Variants in KANK1 observed in about 807,000 individuals in gnomAD.
The protein encoded by KANK1 is KN motif and ankyrin repeat domain-containing protein 1.
A neutral mutation model predicts 106.2 loss-of-function variants in KANK1; 109 were observed. That is an observed-to-expected ratio of 1.03 (90% CI 0.88 to 1.20). KANK1 has a LOEUF of 1.20. Ranked by LOEUF, KANK1 falls within the 50% of genes most tolerant of loss-of-function variation. KANK1 has a pLI of 0.00. For synonymous variants in KANK1, 873 were observed against 652.2 expected (o/e 1.34, Z -5.16); for missense variants, 2,399 against 1,710.7 (o/e 1.40, Z -7.10).
At chr9:652,483 A>G (rs199852902) in intron 1 of KANK1, among the ~76,000 whole-genome samples, 6 of 152,194 alleles carry the variant, frequency 3.9e-5, no homozygotes, top group African/African-American at 1.4e-4. Context: ...AGATCGTGCC[A>G]TTGCACTCCA....
intron 3 of KANK1, among the ~76,000 whole-genome samples, chr9:479,934 T>C (rs1177436238): frequency 6.6e-6 from 1 of 152,242 alleles, no homozygotes; most frequent in African/African-American, 2.4e-5. Flanking sequence ...GTTCTCCAGA[T>C]GGCCTTTCAT....
chr9:713,118 A>C lies in KANK1; in HGVS notation c.2352A>C (p.Pro784=). 6.2e-7 allele frequency: 1 copy of C among 1,604,760 alleles called. No individual in the cohort carries two copies. The highest frequency in any genetic ancestry group is 8.5e-7 in the Non-Finnish European group (1 of 1,173,566). The change falls in exon 3 of 12, where the codon CCA becomes CCC. Residue 784 remains proline, a synonymous_variant. Transcript: ENST00000382297. The part of the protein sequence containing the change: ...LKMRTIACGP[P]QLTVGLTASR... Reference sequence around the variant, plus strand: ...TGAGGACTATAGCTTGTGGGCCACCACAGTTGACTGTGGGGCTGACAGCCA... The same window carrying C: ...TGAGGACTATAGCTTGTGGGCCACCCCAGTTGACTGTGGGGCTGACAGCCA...
At chr9:525,914 A>G (rs916856741) in intron 1 of KANK1, among the ~76,000 whole-genome samples, 44 of 151,798 alleles carry the variant, frequency 2.9e-4, no homozygotes, top group African/African-American at 1.0e-3. Context: ...CAGAGGATCA[A>G]TATTTTTCTA....
At chr9:740,509 G>A (rs889344357) in intron 8 of KANK1, among the ~76,000 whole-genome samples, 2 of 152,160 alleles carry the variant, frequency 1.3e-5, no homozygotes, top group Non-Finnish European at 2.9e-5. Context: ...CAACCACCCT[G>A]ACTTCCAAGC....
intron 1 of KANK1, among the ~76,000 whole-genome samples, chr9:671,911 G>A (rs1206211182): frequency 6.6e-6 from 1 of 152,022 alleles, no homozygotes; most frequent in Non-Finnish European, 1.5e-5. Context: ...TCGCGCCACT[G>A]CACTCCAGCC....
intron 1 of KANK1, among the ~76,000 whole-genome samples, chr9:537,533 A>C (rs940870940): frequency 6.6e-6 from 1 of 152,172 alleles, no homozygotes; most frequent in African/African-American, 2.4e-5. Context: ...TTCTCTTGAG[A>C]TTATAAATCT....
intron 10 of KANK1, among the ~76,000 whole-genome samples, chr9:743,275 G>C (rs185689006): frequency 6.6e-6 from 1 of 152,182 alleles, no homozygotes; most frequent in Non-Finnish European, 1.5e-5. Context: ...CAAGCCAGTA[G>C]GGAGAAAAAC....
chr9:723,435 A>G (rs544717096), intron 3 of KANK1, among the ~76,000 whole-genome samples: 9 of 152,104 alleles, frequency 5.9e-5, no homozygotes, highest in Non-Finnish European at 1.2e-4. Context: ...ACATCTACCA[A>G]ATTCCATCCG....
intron 1 of KANK1, among the ~76,000 whole-genome samples, chr9:674,601 C>A (rs969512190): frequency 2.6e-5 from 4 of 152,114 alleles, no homozygotes; most frequent in African/African-American, 9.7e-5. Flanking sequence ...CCCTTATAAT[C>A]TTCATGATTG....
chr9:483,252 C>A (rs1324425376), intron 3 of KANK1, among the ~76,000 whole-genome samples: 1 of 152,088 alleles, frequency 6.6e-6, no homozygotes, highest in Admixed American at 6.5e-5. Context: ...GGAACATACC[C>A]CCTGTGGATT....
chr9:726,460 G>A (rs1463343428), intron 3 of KANK1, among the ~76,000 whole-genome samples: 2 of 151,924 alleles, frequency 1.3e-5, no homozygotes, highest in Admixed American at 6.6e-5. Flanking sequence ...CCAACATGGT[G>A]AAACCGAGTC....
At position 711,396 on chromosome 9, in the gene KANK1, C is replaced by G. The variant is rs28374506; in HGVS notation, c.630C>G (p.His210Gln). The change falls in exon 3 of 12, where the codon CAC becomes CAG. Residue 210 changes from histidine to glutamine, a missense_variant. Physicochemically the swap from His to Gln is conservative, Grantham distance 24. Transcript: ENST00000382297. ...CTGGAAACCACAATCCTGCCAAGCA[C>G]CAGCTTCAGAATGGATACCAAGGTA... Reference protein sequence around the residue: ...VGSGNHNPAKHQLQNGYQGNG... With the variant: ...VGSGNHNPAKQQLQNGYQGNG... The G allele has an allele frequency of 0.025, 40,100 of 1,614,054 alleles. 4,199 individuals are homozygous for G. In the African/African-American group the frequency reaches 0.31, roughly 13 times the overall value.
rs1441886397 is a variant in KANK1, at chr9:521,565, C to CTATTT, written c.-84+16812_-84+16813insATTTT. On this transcript the variant is annotated intron_variant, in intron 1 of 11. Transcript: ENST00000382297. ...CTCTACTTTCTTTTCCCTCCAGATT[C>CTATTT]TTTTTTTTTTTTTTTTTTTGGAGAC... Among the ~76,000 whole-genome samples, 3 of 118,770 alleles carry CTATTT rather than the reference C, an allele frequency of 2.5e-5. No homozygotes were observed. The East Asian group carries it at 7.1e-4, about 28-fold the overall frequency. The allele number at this position is 118,770 out of a possible 152,430, so 77.9% of individuals were successfully genotyped here. A position where few individuals can be genotyped will look rare whatever the true frequency, so the allele number is the denominator to read the frequency against.
intron 3 of KANK1, among the ~76,000 whole-genome samples, chr9:491,422 C>A (rs1057147326): frequency 2.6e-5 from 4 of 152,120 alleles, no homozygotes; most frequent in Admixed American, 2.6e-4. Flanking sequence ...TGTGCATCAC[C>A]ACGCCCAGCT....
chr9:634,016 T>C (rs974783941), intron 1 of KANK1, among the ~76,000 whole-genome samples: 1 of 152,168 alleles, frequency 6.6e-6, no homozygotes, highest in South Asian at 2.1e-4. Flanking sequence ...GTAAGAAAGG[T>C]TTATCTTTTT....
rs766394475 is a variant in KANK1, at chr9:712,965, G to A, written c.2199G>A (p.Thr733=). 1.2e-5 allele frequency: 19 copies of A among 1,614,194 alleles called. No homozygotes were observed. Among genetic ancestry groups the A allele is most frequent in the Admixed American group, 1.7e-5 (1 of 60,024 alleles). The part of the protein sequence containing the change: ...RVKDINSSTK[T]RSIGVGTLLS... ...AGGACATCAACTCCTCCACCAAGAC[G>A]CGGTCCATTGGTGTTGGAACGTTGC... is the stretch of plus-strand genomic sequence containing the variant. The change falls in exon 3 of 12, where the codon ACG becomes ACA. Residue 733 remains threonine (T), a synonymous_variant. Transcript: ENST00000382297.
At chr9:497,671 G>A (rs935432907) in intron 3 of KANK1, among the ~76,000 whole-genome samples, 1 of 152,102 alleles carries the variant, frequency 6.6e-6, no homozygotes, top group African/African-American at 2.4e-5. Flanking sequence ...TGGGAAACAT[G>A]GCAAAACCTG....
In KANK1 at chr9:745,410, C is replaced by A; in HGVS notation, c.*175C>A. The A allele has an allele frequency of 1.4e-6, 1 of 700,292 alleles. No individual in the cohort carries two copies. The highest frequency in any genetic ancestry group is 2.4e-6 in the Non-Finnish European group (1 of 418,712). 43.4% of individuals were successfully genotyped at this position (700,292 alleles called of 1,614,324 possible). A position where few individuals can be genotyped will look rare whatever the true frequency, so the allele number is the denominator to read the frequency against. On this transcript the variant is annotated 3_prime_UTR_variant, in exon 12 of 12. Coordinates refer to ENST00000382297, the MANE Select transcript of KANK1 (RefSeq NM_015158.5). ...AGTGCAGAGACTGCTAGCCTGGGCA[C>A]ACACACCTCCTTTCTGGCCGTCTTC...
Position 712,507 on chromosome 9 carries a change from T to A in KANK1, c.1741T>A (p.Cys581Ser). The change falls in exon 3 of 12, where the codon TGT becomes AGT. Residue 581 changes from cysteine (C) to serine (S), a missense_variant. By Grantham distance (112) the Cys-to-Ser change is moderately radical (BLOSUM62 -1). Coordinates refer to ENST00000382297, the MANE Select transcript of KANK1 (RefSeq NM_015158.5). ...VKERVEMHDR[C>S]AGRSVEMCDK... ...GGAGAGGGTGGAAATGCATGACCGA[T>A]GTGCTGGGAGGTCTGTGGAAATGTG... 1 of 1,614,126 alleles carries A rather than the reference T, an allele frequency of 6.2e-7. No individual in the cohort carries two copies. The highest frequency in any genetic ancestry group is 8.5e-7 in the Non-Finnish European group (1 of 1,180,044).
Sources: allele counts gnomAD v4.1 joint callset (sites outside exome capture counted in the v4.1 genomes callset), GRCh38; gene constraint gnomAD v4.1.1; transcripts MANE v1.5; gene names NCBI Gene and HGNC (gene_info 2026-07-23, HGNC 2026-07-21).